HERPUD1: variants seen among roughly 807,000 people sequenced by gnomAD.
HERPUD1 encodes homocysteine inducible ER protein with ubiquitin like domain 1.
HERPUD1 carries 17 observed loss-of-function variants against 45.0 expected under a neutral mutation model. The ratio of observed to expected loss-of-function variants is 0.38; its 90% CI spans 0.26 to 0.57. The LOEUF is 0.57. HERPUD1 is among the 20% of genes least tolerant of loss of function. HERPUD1 has a pLI of 0.72. For missense variants in HERPUD1, 420 were observed against 490.5 expected, an observed-to-expected ratio of 0.86 and a Z score of 1.36; for synonymous variants, 164 against 177.5, an observed-to-expected ratio of 0.92 and a Z score of 0.61.
chr16:56,943,857 TAA>T lies in HERPUD1; in HGVS notation c.*569_*570del, dbSNP rs746227249. ...AACCTTTGCTGGGTTTTCTGTTCAA[TAA>T]AGTTTTACTATGAATGACCCTGGCA... On this transcript the variant is annotated 3_prime_UTR_variant, in exon 8 of 8. Transcript: ENST00000439977. 4.0e-5 allele frequency: 8 copies of T among 201,566 alleles called. No individual in the cohort carries two copies. Among genetic ancestry groups the T allele is most frequent in the Non-Finnish European group, 7.3e-5 (7 of 95,710 alleles). The allele number at this position is 201,566 out of a possible 1,614,324, so 12.5% of individuals were successfully genotyped here.
At chr16:56,935,186 T>C (rs557600890) in intron 1 of HERPUD1, 49 bp from the exon 2 acceptor site, 3 of 1,279,594 alleles carry the variant, frequency 2.3e-6, no homozygotes, top group Non-Finnish European at 3.4e-6. Flanking sequence ...GTTTAGGAAC[T>C]TGTAGGGGTG....
intron 7 of HERPUD1, 114 bp from the exon 8 acceptor site, chr16:56,943,012 C>T (rs1953115500): frequency 5.5e-6 from 6 of 1,086,202 alleles, no homozygotes; most frequent in Non-Finnish European, 6.8e-6. Flanking sequence ...GCTGCTGTGC[C>T]TATGGGGCAG....
intron 3 of HERPUD1, chr16:56,936,371 T>C (rs2055866338): frequency 5.8e-6 from 1 of 172,340 alleles, no homozygotes; most frequent in East Asian, 1.5e-4. Context: ...ATCTTGTTGG[T>C]CAGATGTCTG....
rs1567462090 is a variant in HERPUD1, at chr16:56,942,247, C to T, written c.1011+10C>T. On this transcript the variant is annotated intron_variant, in intron 7 of 7. Coordinates refer to ENST00000439977, the MANE Select transcript of HERPUD1 (RefSeq NM_014685.4). ...CAACAATAACTTACAGGTATGGAGC[C>T]TCCCACGAAGCCCAGGCGAGCTTGA... is the stretch of plus-strand genomic sequence containing the variant. The T allele has an allele frequency of 2.5e-6, 4 of 1,591,808 alleles. No individual in the cohort carries two copies. The highest frequency in any genetic ancestry group is 2.6e-6 in the Non-Finnish European group (3 of 1,159,816).
intron 7 of HERPUD1, among the ~76,000 whole-genome samples, chr16:56,942,858 A>G (rs939835857): frequency 2.6e-5 from 4 of 152,106 alleles, no homozygotes; most frequent in African/African-American, 9.7e-5. Flanking sequence ...AATAATAATA[A>G]TAGTTGCAGA....
At chr16:56,939,681 G>A (rs1180214509) in intron 5 of HERPUD1, among the ~76,000 whole-genome samples, 1 of 152,202 alleles carries the variant, frequency 6.6e-6, no homozygotes, top group Non-Finnish European at 1.5e-5. Flanking sequence ...TGGGCTTGAT[G>A]TTTAATTTCA....
chr16:56,936,772 A>G lies in HERPUD1; in HGVS notation c.386A>G (p.Glu129Gly). ...DSSSDGLRQR[E>G]VLRNLSSPGW... Reference sequence around the variant, plus strand: ...TCAAGTGATGGTTTAAGGCAAAGGGAAGTTCTTCGGAACCTTTCTTCCCCT... The same window carrying G: ...TCAAGTGATGGTTTAAGGCAAAGGGGAGTTCTTCGGAACCTTTCTTCCCCT... The change falls in exon 4 of 8, where the codon GAA becomes GGA. Residue 129 changes from glutamate (E) to glycine (G), a missense_variant. Transcript: ENST00000439977. 6.2e-7 allele frequency: 1 copy of G among 1,614,092 alleles called. No individual in the cohort carries two copies. The highest frequency in any genetic ancestry group is 8.5e-7 in the Non-Finnish European group (1 of 1,179,966).
chr16:56,933,255 T>C (rs1260855059), intron 1 of HERPUD1: 2 of 456,048 alleles, frequency 4.4e-6, no homozygotes, highest in Admixed American at 2.3e-5. Context: ...AAGTCGTGAG[T>C]TCCAGCTTGT....
At chr16:56,937,295 T>C (rs2055874197) in intron 4 of HERPUD1, 1 of 152,282 alleles carries the variant, frequency 6.6e-6, no homozygotes, top group Non-Finnish European at 1.5e-5. Context: ...AAGCTTTTCT[T>C]TAGAGCAAAA....
intron 1 of HERPUD1, among the ~76,000 whole-genome samples, chr16:56,934,489 G>A (rs2055849838): frequency 6.6e-6 from 1 of 152,078 alleles, no homozygotes; most frequent in Non-Finnish European, 1.5e-5. Flanking sequence ...CCAGGAAATT[G>A]TCTGTGAAGG....
intron 4 of HERPUD1, 35 bp downstream of exon 4, chr16:56,936,852 C>T (rs772451442): frequency 6.2e-7 from 1 of 1,604,610 alleles, no homozygotes; most frequent in East Asian, 2.2e-5. Context: ...GCTTATGCAA[C>T]ATGAATGTTC....
chr16:56,936,739 AG>A lies in HERPUD1; in HGVS notation c.355del (p.Asp119IlefsTer7). On this transcript the variant is annotated frameshift_variant, in exon 4 of 8. Coordinates refer to ENST00000439977, the MANE Select transcript of HERPUD1 (RefSeq NM_014685.4). LOFTEE classifies it high-confidence loss of function. Reference sequence around the variant, plus strand: ...GGTTCTAATCGGGGACAGTATCCTGAGGATTCCTCAAGTGATGGTTTAAGGC... The same window carrying A: ...GGTTCTAATCGGGGACAGTATCCTGAGATTCCTCAAGTGATGGTTTAAGGC... ...PAGSNRGQYP[E>X]DSSSDGLRQR... is the part of the protein sequence containing the mutation. The A allele has an allele frequency of 6.2e-7, 1 of 1,614,100 alleles. No homozygotes were observed. Among genetic ancestry groups the A allele is most frequent in the East Asian group, 2.2e-5 (1 of 44,870 alleles).
intron 6 of HERPUD1, 81 bp from the exon 7 acceptor site, chr16:56,942,051 T>G (rs1216414337): frequency 3.9e-5 from 42 of 1,073,106 alleles, no homozygotes; most frequent in Non-Finnish European, 6.1e-5. Flanking sequence ...CTGCTGTGAT[T>G]AGAGGTGGGG....
At chr16:56,935,355 C>T (rs2055858222) in intron 2 of HERPUD1, 43 bp downstream of exon 2, 1 of 1,609,956 alleles carries the variant, frequency 6.2e-7, no homozygotes, top group Non-Finnish European at 8.5e-7. Context: ...TTTAAGCACT[C>T]ACCAGGTTAG....
rs1379354631 is a variant in HERPUD1, at chr16:56,943,386, G to A, written c.*96G>A. 1 of 1,384,522 alleles carries A rather than the reference G, an allele frequency of 7.2e-7. No homozygotes were observed. Among genetic ancestry groups the A allele is most frequent in the South Asian group, 1.2e-5 (1 of 86,404 alleles). The allele number at this position is 1,384,522 out of a possible 1,614,324, so 85.8% of individuals were successfully genotyped here. On this transcript the variant is annotated 3_prime_UTR_variant, in exon 8 of 8. Transcript: ENST00000439977. ...CCTCTCCTGGACATGGCAATGATGA[G>A]TTTTTAAAAAACAGTGTGGATGATG...
At chr16:56,933,519 G>A (rs2055842745) in intron 1 of HERPUD1, among the ~76,000 whole-genome samples, 1 of 152,152 alleles carries the variant, frequency 6.6e-6, no homozygotes, top group South Asian at 2.1e-4. Context: ...TGCATCATAT[G>A]GCAAAAGGCA....
In HERPUD1 at chr16:56,940,148, T is replaced by A; in HGVS notation, c.808T>A (p.Ser270Thr). Residue 270 changes from serine (S) to threonine (T), a missense_variant, in exon 6 of 8, where the codon TCA becomes ACA. Transcript: ENST00000439977. Reference sequence around the variant, plus strand: ...TCGAGATTGGTTGGATTGGACCTATTCAGCAGCTACATTTTCTGTTTTTCT... The same window carrying A: ...TCGAGATTGGTTGGATTGGACCTATACAGCAGCTACATTTTCTGTTTTTCT... ...INRDWLDWTY[S>T]AATFSVFLSI... 6.2e-7 allele frequency: 1 copy of A among 1,614,212 alleles called. No individual in the cohort carries two copies. The highest frequency in any genetic ancestry group is 1.1e-5 in the South Asian group (1 of 91,088).
chr16:56,937,290 T>C (rs1189676177), intron 4 of HERPUD1: 5 of 152,284 alleles, frequency 3.3e-5, no homozygotes, highest in African/African-American at 1.2e-4. Flanking sequence ...TATTAAAGCT[T>C]TTCTTTAGAG....
intron 7 of HERPUD1, among the ~76,000 whole-genome samples, chr16:56,942,511 CAG>C (rs2055918426): frequency 1.3e-5 from 2 of 152,174 alleles, no homozygotes; most frequent in African/African-American, 2.4e-5. Flanking sequence ...TGGTCTGTAA[CAG>C]TGTGTTATAC....
Sources: allele counts gnomAD v4.1 joint callset (sites outside exome capture counted in the v4.1 genomes callset), GRCh38; gene constraint gnomAD v4.1.1; transcripts MANE v1.5; gene names NCBI Gene and HGNC (gene_info 2026-07-23, HGNC 2026-07-21).